Variants in ZNF217 observed in about 807,000 individuals in gnomAD.
The protein encoded by ZNF217 is zinc finger protein 217.
Under a neutral mutation model 73.3 loss-of-function variants are expected in ZNF217, and 12 were observed. The ratio of observed to expected loss-of-function variants is 0.16; its 90% confidence interval spans 0.10 to 0.27. The LOEUF (loss-of-function observed/expected upper bound fraction) is 0.27. Ranked by LOEUF, ZNF217 falls within the 10% of genes least tolerant of loss-of-function variation. The pLI, the probability that ZNF217 is intolerant of heterozygous loss-of-function variation, is 1.00. For missense variants in ZNF217, 1,195 were observed against 1,327.8 expected, an observed-to-expected ratio of 0.90 and a Z score of 1.55; for synonymous variants, 588 against 516.4, an observed-to-expected ratio of 1.14 and a Z score of -1.88.
In ZNF217 at chr20:53,582,087, C is replaced by T. The variant is rs1165247453; in HGVS notation, c.740G>A (p.Ser247Asn). 6.2e-7 allele frequency: 1 copy of T among 1,614,234 alleles called. No homozygotes were observed. The highest frequency in any genetic ancestry group is 1.1e-5 in the South Asian group (1 of 91,088). ...TTGTGGAGAGTCTGTCTGCGCGCTGCTGGTACCGAAAGCAGTTTTTTTGGT... is the reference window on the plus strand; with the variant it reads ...TTGTGGAGAGTCTGTCTGCGCGCTGTTGGTACCGAAAGCAGTTTTTTTGGT... ...VHTKKTAFGTSSAQTDSPQGG... is the reference protein window; with the variant it reads ...VHTKKTAFGTNSAQTDSPQGG... Residue 247 changes from serine (S) to asparagine (N), a missense_variant, in exon 2 of 6, where the codon AGC becomes AAC. Ser to Asn is a conservative substitution (Grantham distance 46, BLOSUM62 1). This residue lies in a region of ZNF217 where 126 missense variants were observed against 114.4 expected (regional missense o/e 1.10). Transcript: ENST00000371471. The surrounding 1 kb of genome is among the most constrained non-coding windows in gnomAD (Gnocchi z 4.8).
intron 1 of ZNF217, among the ~76,000 whole-genome samples, chr20:53,585,997 T>G (rs1988679695): frequency 6.6e-6 from 1 of 152,146 alleles, no homozygotes; most frequent in Non-Finnish European, 1.5e-5. Context: ...ACCCCAAATG[T>G]GCCATCCCTG....
intron 1 of ZNF217, among the ~76,000 whole-genome samples, chr20:53,585,229 G>A (rs1218321905): frequency 1.3e-5 from 2 of 151,438 alleles, no homozygotes; most frequent in Non-Finnish European, 2.9e-5. Flanking sequence ...ACATCCTTTA[G>A]AAAAAGAGAC....
At chr20:53,580,400 T>G (rs1988441577) in intron 2 of ZNF217, among the ~76,000 whole-genome samples, 1 of 152,202 alleles carries the variant, frequency 6.6e-6, no homozygotes, top group South Asian at 2.1e-4. Flanking sequence ...TAAGACCGAT[T>G]CATGTTCCCA....
chr20:53,570,926 T>C (rs8118414), intron 5 of ZNF217, among the ~76,000 whole-genome samples: 4,719 of 152,292 alleles, frequency 0.031, 190 homozygotes, highest in East Asian at 0.15. Context: ...CTGAAAAGCA[T>C]GCACAGTACC....
rs764244479 is a variant in ZNF217 at position 53,581,625 on chromosome 20, C to T, written c.1202G>A (p.Arg401Gln). ...GGTGGGCGACTCCGCGCCGGCCCTCCGGTCCTTCTTGTGGACCCTGGAGTG... is the reference window on the plus strand; with the variant it reads ...GGTGGGCGACTCCGCGCCGGCCCTCTGGTCCTTCTTGTGGACCCTGGAGTG... Reference protein sequence around the residue: ...VLHSRVHKKDRRAGAESPTMS... With the variant: ...VLHSRVHKKDQRAGAESPTMS... The change falls in exon 2 of 6, where the codon CGG (arginine) becomes CAG (glutamine). Residue 401 changes from arginine (R) to glutamine (Q), a missense_variant. Arg to Gln is a conservative substitution (Grantham distance 43). Around this residue, in one of 9 missense-constraint regions of ZNF217, gnomAD observed 116 missense variants for 121.9 expected, o/e 0.95. Transcript: ENST00000371471. The surrounding 1 kb of genome is among the most constrained non-coding windows in gnomAD (Gnocchi z 4.9). The T allele has an allele frequency of 5.6e-6, 9 of 1,614,234 alleles. No homozygotes were observed. The highest frequency in any genetic ancestry group is 1.6e-4 in the Middle Eastern group (1 of 6,062).
At chr20:53,578,507 G>A (rs1988370591) in intron 2 of ZNF217, 57 bp from the exon 3 acceptor site, 6 of 1,069,476 alleles carry the variant, frequency 5.6e-6, no homozygotes, top group Admixed American at 2.7e-5. Flanking sequence ...CCTGAATAAG[G>A]CATGCTGACT....
chr20:53,594,030 T>C (rs1988984304), upstream of ZNF217, among the ~76,000 whole-genome samples: 5 of 145,764 alleles, frequency 3.4e-5, no homozygotes, highest in Middle Eastern at 3.6e-3. Context: ...CCTTCGCGCC[T>C]CCAAGACCCC....
intron 1 of ZNF217, among the ~76,000 whole-genome samples, chr20:53,592,568 T>C (rs1295926314): frequency 9.7e-6 from 1 of 102,650 alleles, no homozygotes; most frequent in East Asian, 3.3e-4. Context: ...CTACCCAGAA[T>C]CCCAAAATGT....
chr20:53,585,938 A>T (rs1988678739), intron 1 of ZNF217, among the ~76,000 whole-genome samples: 1 of 152,168 alleles, frequency 6.6e-6, no homozygotes, highest in African/African-American at 2.4e-5. Flanking sequence ...TCTAATAGTC[A>T]ATTGTGACCA....
intron 4 of ZNF217, 80 bp from the exon 5 acceptor site, chr20:53,571,933 T>C: frequency 7.0e-7 from 1 of 1,427,468 alleles, no homozygotes; most frequent in African/African-American, 1.5e-5. Flanking sequence ...AAGTCAATTT[T>C]CAAAATTTCT....
In ZNF217 at chr20:53,582,422, C is replaced by T; in HGVS notation, c.405G>A (p.Gln135=). 1.9e-6 allele frequency: 3 copies of T among 1,614,216 alleles called. No individual in the cohort carries two copies. Among genetic ancestry groups the T allele is most frequent in the Non-Finnish European group, 8.5e-7 (1 of 1,180,042 alleles). ...ENEFSCEVCG[Q]TFRVAFDVEI... Reference sequence around the variant, plus strand: ...CAACATCAAAAGCGACTCTAAATGTCTGCCCACATACCTCACAGCTAAATT... The same window carrying T: ...CAACATCAAAAGCGACTCTAAATGTTTGCCCACATACCTCACAGCTAAATT... Residue 135 remains glutamine (Q), a synonymous_variant, in exon 2 of 6, where the codon CAG becomes CAA. Transcript: ENST00000371471. The surrounding 1 kb of genome is among the most constrained non-coding windows in gnomAD (Gnocchi z 4.8).
rs746102791 is a variant in ZNF217, at chr20:53,581,438, G to T, written c.1366+23C>A. The T allele has an allele frequency of 7.6e-6, 12 of 1,583,894 alleles. No homozygotes were observed. Among genetic ancestry groups the T allele is most frequent in the East Asian group, 4.5e-5 (2 of 44,512 alleles). ...CAGACAGACACAGGCGGAACAGCAC[G>T]GGACGGAGACAGGGCAGCTTACCCA... On this transcript the variant is annotated intron_variant, in intron 2 of 5. Coordinates refer to ENST00000371471, the MANE Select transcript of ZNF217 (RefSeq NM_006526.3). The surrounding 1 kb of genome is among the most constrained non-coding windows in gnomAD (Gnocchi z 4.9).
rs1988301858 is a variant in ZNF217, at chr20:53,576,953, T to C, written c.1811A>G (p.Lys604Arg). ...ATCAGCACTGTCATCAGCTGCATTT[T>C]TATGGAAATCCTGAGTATCTTTGTG... The part of the protein sequence containing the change: ...PAHKDTQDFH[K>R]NAADDSADKV... The change falls in exon 4 of 6, where the codon AAA becomes AGA. Residue 604 changes from lysine (K) to arginine (R), a missense_variant. Transcript: ENST00000371471. 2.5e-6 allele frequency: 4 copies of C among 1,614,074 alleles called. No homozygotes were observed. Among genetic ancestry groups the C allele is most frequent in the Non-Finnish European group, 3.4e-6 (4 of 1,180,044 alleles).
intron 1 of ZNF217, among the ~76,000 whole-genome samples, chr20:53,591,304 A>T (rs1988870905): frequency 6.6e-6 from 1 of 152,232 alleles, no homozygotes; most frequent in African/African-American, 2.4e-5. Flanking sequence ...CACTAAAGAA[A>T]AAAGTGTGTG....
rs1988537540 is a variant in ZNF217, at chr20:53,582,208, C to T, written c.619G>A (p.Ala207Thr). The T allele has an allele frequency of 6.2e-7, 1 of 1,614,050 alleles. No individual in the cohort carries two copies. The highest frequency in any genetic ancestry group is 8.5e-7 in the Non-Finnish European group (1 of 1,180,044). ...TAAGGAGAGGAGATGCTCTCGGCCGCGTGCACCTGGACGACCTCGTTGATC... is the reference window on the plus strand; with the variant it reads ...TAAGGAGAGGAGATGCTCTCGGCCGTGTGCACCTGGACGACCTCGTTGATC... The part of the protein sequence containing the change: ...ATINEVVQVH[A>T]AESISSPYKI... Residue 207 changes from alanine to threonine, a missense_variant, in exon 2 of 6, where the codon GCG becomes ACG. Coordinates refer to ENST00000371471, the MANE Select transcript of ZNF217 (RefSeq NM_006526.3). This position sits in a 1 kb window ranked among gnomAD's most constrained non-coding sequence, Gnocchi z 4.8.
chr20:53,572,490 T>C (rs1373024394), intron 4 of ZNF217, among the ~76,000 whole-genome samples: 2 of 151,880 alleles, frequency 1.3e-5, no homozygotes, highest in East Asian at 3.8e-4. Context: ...AAAGACAAAG[T>C]TTTGATTCAT....
chr20:53,571,885 A>T (rs1192002253), intron 4 of ZNF217, 32 bp from the exon 5 acceptor site: 1 of 1,579,674 alleles, frequency 6.3e-7, no homozygotes, highest in East Asian at 2.3e-5. Context: ...TTTAGAGTTA[A>T]GGTCAAACAA....
intron 4 of ZNF217, among the ~76,000 whole-genome samples, chr20:53,572,191 A>AT (rs779029649): frequency 5.9e-5 from 9 of 152,166 alleles, no homozygotes; most frequent in Non-Finnish European, 1.2e-4. Flanking sequence ...TTTTAAAATC[A>AT]TTTAAAAGGG....
intron 3 of ZNF217, among the ~76,000 whole-genome samples, chr20:53,577,721 A>G (rs535934097): frequency 2.6e-5 from 4 of 152,366 alleles, no homozygotes; most frequent in African/African-American, 9.6e-5. Context: ...ATTCTCAATC[A>G]TAAAGACATA....
Sources: allele counts gnomAD v4.1 joint callset (sites outside exome capture counted in the v4.1 genomes callset), GRCh38; gene constraint gnomAD v4.1.1; regional missense constraint gnomAD v4.1.1; non-coding constraint Gnocchi (gnomAD v3.1); transcripts MANE v1.5; gene names NCBI Gene and HGNC (gene_info 2026-07-23, HGNC 2026-07-21).